ITPR1: variants seen among roughly 807,000 people sequenced by gnomAD.
The protein encoded by ITPR1 is inositol 1,4,5-trisphosphate-gated calcium channel ITPR1.
ITPR1 carries 96 observed loss-of-function variants against 318.4 expected under a neutral mutation model. That is an observed-to-expected ratio of 0.30 (90% confidence interval 0.26 to 0.36). The LOEUF (loss-of-function observed/expected upper bound fraction) is 0.36. ITPR1 is among the 10% of genes least tolerant of loss of function. The pLI is 1.00. For missense variants in ITPR1, 2,440 were observed against 3,460.2 expected, an observed-to-expected ratio of 0.71 and a Z score of 7.40; for synonymous variants, 1,312 against 1,289.9, an observed-to-expected ratio of 1.02 and a Z score of -0.37.
intron 4 of ITPR1, among the ~76,000 whole-genome samples, chr3:4,592,768 T>A (rs893072693): frequency 3.3e-5 from 5 of 152,208 alleles, no homozygotes; most frequent in African/African-American, 1.2e-4. Context: ...GCTGGTTAAA[T>A]CCCACCAACT....
In ITPR1 at chr3:4,811,433, A is replaced by G; in HGVS notation, c.7441A>G (p.Arg2481Gly). 1 of 1,613,710 alleles carries G rather than the reference A, an allele frequency of 6.2e-7. No individual in the cohort carries two copies. The highest frequency in any genetic ancestry group is 1.1e-5 in the South Asian group (1 of 91,072). Residue 2481 changes from arginine (R) to glycine (G), a missense_variant, in exon 56 of 62, where the codon AGG becomes GGG. Physicochemically the swap from Arg to Gly is moderately radical, Grantham distance 125. Around this residue, in one of 23 missense-constraint regions of ITPR1, gnomAD observed 88 missense variants for 90.5 expected, o/e 0.97. Transcript: ENST00000649015. ...FKDDFILEVD[R>G]LPNETAVPET... ...GGATGACTTTATCTTGGAAGTAGAT[A>G]GGCTGCCCAATGAAACAGCTGTTCC...
At chr3:4,843,474 T>A (rs1392137954) in intron 61 of ITPR1, among the ~76,000 whole-genome samples, 1 of 152,194 alleles carries the variant, frequency 6.6e-6, no homozygotes, top group Non-Finnish European at 1.5e-5. Flanking sequence ...AACGTCTACA[T>A]CATCTGGGAA....
At chr3:4,836,986 C>T in intron 61 of ITPR1, 51 bp downstream of exon 61, 1 of 1,400,734 alleles carries the variant, frequency 7.1e-7, no homozygotes, top group African/African-American at 1.4e-5. Flanking sequence ...TCCCCACCCA[C>T]ACCCACTATC....
At chr3:4,550,696 A>G (rs573084989) in intron 4 of ITPR1, among the ~76,000 whole-genome samples, 5 of 152,262 alleles carry the variant, frequency 3.3e-5, no homozygotes, top group Admixed American at 2.6e-4. Context: ...CCTGGGCAAC[A>G]TAGTGAGATC....
At chr3:4,642,711 C>G (rs991038431) in intron 7 of ITPR1, among the ~76,000 whole-genome samples, 1 of 152,180 alleles carries the variant, frequency 6.6e-6, no homozygotes, top group African/African-American at 2.4e-5. Flanking sequence ...CGGCAGGCTC[C>G]CCGTCGTGTT....
chr3:4,737,414 G>A (rs190296210), intron 44 of ITPR1, among the ~76,000 whole-genome samples: 10 of 152,310 alleles, frequency 6.6e-5, no homozygotes, highest in Admixed American at 5.9e-4. Flanking sequence ...ACTGAAAGGG[G>A]GAAATTGGGC....
intron 4 of ITPR1, among the ~76,000 whole-genome samples, chr3:4,552,689 A>G (rs1372599370): frequency 6.6e-6 from 1 of 152,192 alleles, no homozygotes; most frequent in Non-Finnish European, 1.5e-5. Context: ...TGATTAAATC[A>G]TTGGCCATTG....
chr3:4,670,597 C>G (rs1490845458), intron 19 of ITPR1, 132 bp from the exon 20 acceptor site: 4 of 680,226 alleles, frequency 5.9e-6, no homozygotes. Context: ...ATGTCAGGCT[C>G]TCTGCGGCTC....
At chr3:4,808,149 A>G (rs2048709894) in intron 55 of ITPR1, among the ~76,000 whole-genome samples, 1 of 152,232 alleles carries the variant, frequency 6.6e-6, no homozygotes, top group African/African-American at 2.4e-5. Flanking sequence ...CCTCACAGTC[A>G]GGAGCACATT....
At chr3:4,721,172 G>GTGTGTATATA (rs1356149562) in intron 40 of ITPR1, among the ~76,000 whole-genome samples, 8 of 125,080 alleles carry the variant, frequency 6.4e-5, no homozygotes, top group Non-Finnish European at 1.1e-4. Flanking sequence ...GTGTGTGCGT[G>GTGTGTATATA]TATATATATA....
At chr3:4,824,779 G>A (rs1030668184) in intron 60 of ITPR1, among the ~76,000 whole-genome samples, 10 of 152,222 alleles carry the variant, frequency 6.6e-5, no homozygotes, top group East Asian at 1.9e-4. Flanking sequence ...AGCTGCTGCC[G>A]CCAGCAACCA....
At position 4,836,843 on chromosome 3, in the gene ITPR1, C is replaced by A; in HGVS notation, c.8098C>A (p.Gln2700Lys). 1 of 1,577,420 alleles carries A rather than the reference C, an allele frequency of 6.3e-7. No homozygotes were observed. Among genetic ancestry groups the A allele is most frequent in the Non-Finnish European group, 8.6e-7 (1 of 1,158,420 alleles). Residue 2700 changes from glutamine (Q) to lysine (K), a missense_variant, in exon 61 of 62, where the codon CAG (glutamine) becomes AAG (lysine). Physicochemically the swap from Gln to Lys is moderately conservative, Grantham distance 53. Coordinates refer to ENST00000649015, the MANE Select transcript of ITPR1 (RefSeq NM_001378452.1). ...GGTCAGCAGTGATTCTGAAGGAGAA[C>A]AGAATGAGCTGAGAAACCTGCAGGA... ...SLVSSDSEGE[Q>K]NELRNLQEKL...
At chr3:4,762,179 AT>A (rs1448044155) in intron 44 of ITPR1, among the ~76,000 whole-genome samples, 3 of 151,988 alleles carry the variant, frequency 2.0e-5, no homozygotes, top group Non-Finnish European at 4.4e-5. Flanking sequence ...AATTTTTTTT[AT>A]TTCATTGAGA....
At chr3:4,789,466 G>A (rs142968643) in intron 52 of ITPR1, among the ~76,000 whole-genome samples, 191 of 152,284 alleles carry the variant, frequency 1.3e-3, no homozygotes, top group Admixed American at 2.5e-3. Flanking sequence ...CTCCAAAAGG[G>A]AGACATAGAC....
chr3:4,535,529 G>A (rs531293878), intron 4 of ITPR1, among the ~76,000 whole-genome samples: 6 of 132,098 alleles, frequency 4.5e-5, no homozygotes, highest in East Asian at 2.5e-4. Context: ...TCCAAGCTCC[G>A]CCTCCTGGGT....
intron 52 of ITPR1, among the ~76,000 whole-genome samples, chr3:4,794,340 C>T (rs1240757841): frequency 2.0e-5 from 3 of 152,136 alleles, no homozygotes; most frequent in Admixed American, 6.5e-5. Context: ...TGTCTCTTGC[C>T]CCTTTGTGAT....
intron 4 of ITPR1, among the ~76,000 whole-genome samples, chr3:4,591,782 G>T (rs2090418667): frequency 6.6e-6 from 1 of 152,156 alleles, no homozygotes; most frequent in Non-Finnish European, 1.5e-5. Flanking sequence ...AATATCAGAG[G>T]TGATCCTGGC....
chr3:4,558,863 C>G (rs2125013044), intron 4 of ITPR1, among the ~76,000 whole-genome samples: 1 of 151,066 alleles, frequency 6.6e-6, no homozygotes. Flanking sequence ...TTAAAAAATT[C>G]AAATACCATG....
chr3:4,727,183 C>A lies in ITPR1; in HGVS notation c.5220+10C>A. 2.5e-6 allele frequency: 4 copies of A among 1,583,988 alleles called. No homozygotes were observed. The highest frequency in any genetic ancestry group is 3.4e-6 in the Non-Finnish European group (4 of 1,169,624). On this transcript the variant is annotated intron_variant, in intron 42 of 61. Coordinates refer to ENST00000649015, the MANE Select transcript of ITPR1 (RefSeq NM_001378452.1). ...GGAAGACCATAAAAGGGTACGTAGT[C>A]TTGAGTCTTGGGTATCGGGAGCTAA...
Sources: allele counts gnomAD v4.1 joint callset (sites outside exome capture counted in the v4.1 genomes callset), GRCh38; gene constraint gnomAD v4.1.1; regional missense constraint gnomAD v4.1.1; transcripts MANE v1.5; gene names NCBI Gene and HGNC (gene_info 2026-07-23, HGNC 2026-07-21).